SEMA3A: variants seen among roughly 807,000 people sequenced by gnomAD.
SEMA3A encodes semaphorin 3A, also known as semaphorin-3A.
SEMA3A carries 29 observed loss-of-function variants against 97.9 expected under a neutral mutation model. That is an observed-to-expected ratio of 0.30 (90% CI 0.22 to 0.40). The LOEUF is 0.40. Among genes scored for constraint, SEMA3A ranks in the 10% least tolerant of loss-of-function variants. SEMA3A has a pLI of 1.00. For missense variants in SEMA3A, 763 were observed against 951.3 expected (o/e 0.80, Z 2.60); for synonymous variants, 321 against 323.7 (o/e 0.99, Z 0.09).
intron 1 of SEMA3A, among the ~76,000 whole-genome samples, chr7:84,181,818 A>T (rs2116238370): frequency 6.6e-6 from 1 of 152,284 alleles, no homozygotes; most frequent in African/African-American, 2.4e-5. Context: ...TTGCTTCCAC[A>T]TGTCTGGCAT....
chr7:84,281,406 T>C (rs1378000476), intron 3 of SEMA3A, among the ~76,000 whole-genome samples: 2 of 152,102 alleles, frequency 1.3e-5, no homozygotes, highest in Non-Finnish European at 2.9e-5. Context: ...TTCAAGGACT[T>C]ACATGGAAAC....
intron 2 of SEMA3A, among the ~76,000 whole-genome samples, chr7:84,355,783 A>T (rs1160561195): frequency 2.0e-5 from 3 of 151,918 alleles, no homozygotes; most frequent in Non-Finnish European, 4.4e-5. Flanking sequence ...GAAATTAAAA[A>T]ATATATAAGC....
chr7:84,355,339 T>A (rs1339722911), intron 2 of SEMA3A, among the ~76,000 whole-genome samples: 2 of 151,894 alleles, frequency 1.3e-5, no homozygotes, highest in Admixed American at 1.3e-4. Flanking sequence ...CCTTGGACTA[T>A]CACTGTGATT....
intron 4 of SEMA3A, among the ~76,000 whole-genome samples, chr7:84,101,685 C>T (rs1369986077): frequency 2.0e-5 from 3 of 152,064 alleles, no homozygotes; most frequent in Non-Finnish European, 4.4e-5. Flanking sequence ...TATTGGATTT[C>T]AACTATCAGA....
intron 3 of SEMA3A, among the ~76,000 whole-genome samples, chr7:84,287,293 G>A (rs1394930544): frequency 1.3e-5 from 2 of 151,968 alleles, no homozygotes; most frequent in African/African-American, 4.8e-5. Context: ...CTCAATCAAG[G>A]TAATTAACAC....
chr7:84,073,793 C>A (rs927449344), intron 4 of SEMA3A, among the ~76,000 whole-genome samples: 1 of 149,292 alleles, frequency 6.7e-6, no homozygotes, highest in South Asian at 2.1e-4. Context: ...TTCTTTAACT[C>A]ATGTTTCTCA....
chr7:84,398,678 T>A (rs1449007592), intron 1 of SEMA3A, among the ~76,000 whole-genome samples: 1 of 152,020 alleles, frequency 6.6e-6, no homozygotes, highest in African/African-American at 2.4e-5. Context: ...CCTGGTGGCA[T>A]GTGCCTGTAG....
At chr7:84,034,672 C>A (rs1383163828) in intron 6 of SEMA3A, among the ~76,000 whole-genome samples, 1 of 152,120 alleles carries the variant, frequency 6.6e-6, no homozygotes, top group African/African-American at 2.4e-5. Context: ...ACCAATGTCA[C>A]GACACCTAGG....
chr7:84,450,233 C>T (rs988149222), intron 1 of SEMA3A, among the ~76,000 whole-genome samples: 7 of 152,102 alleles, frequency 4.6e-5, no homozygotes, highest in African/African-American at 1.7e-4. Context: ...CTCTCCAACA[C>T]TTCTCTCTTT....
chr7:84,421,620 A>G, intron 1 of SEMA3A, among the ~76,000 whole-genome samples: 1 of 152,004 alleles, frequency 6.6e-6, no homozygotes, highest in East Asian at 1.9e-4. Flanking sequence ...CGCTTCCAGC[A>G]TTTGCTCATT....
chr7:84,064,538 A>G (rs1176023580), intron 4 of SEMA3A, among the ~76,000 whole-genome samples: 1 of 152,062 alleles, frequency 6.6e-6, no homozygotes, highest in Non-Finnish European at 1.5e-5. Flanking sequence ...TCACGTGCAG[A>G]GACACACATA....
Position 84,046,425 on chromosome 7 carries a change from C to G in SEMA3A, c.566G>C (p.Gly189Ala), listed in dbSNP as rs778827801. Residue 189 changes from glycine (G) to alanine (A), a missense_variant, in exon 6 of 17, where the codon GGA becomes GCA. By Grantham distance (60) the Gly-to-Ala change is moderately conservative. Around this residue, in one of 2 missense-constraint regions of SEMA3A, gnomAD observed 678 missense variants for 881.3 expected, o/e 0.77. Coordinates refer to ENST00000265362, the MANE Select transcript of SEMA3A (RefSeq NM_006080.3). ...TCGCCCCATAAAATCAGCTGCAGTT[C>G]CAGAGTATAATTCTCCATCTGTGTT... ...SLLIDGELYS[G>A]TAADFMGRDF... 6.2e-7 allele frequency: 1 copy of G among 1,612,942 alleles called. No homozygotes were observed. The highest frequency in any genetic ancestry group is 8.5e-7 in the Non-Finnish European group (1 of 1,179,248).
chr7:84,226,242 GTGT>G (rs1221337554), intron 3 of SEMA3A, among the ~76,000 whole-genome samples: 2 of 151,986 alleles, frequency 1.3e-5, no homozygotes, highest in African/African-American at 2.4e-5. Flanking sequence ...ATTCAGAATG[GTGT>G]TGTTGGGAAC....
At chr7:84,007,828 G>A (rs1039863986) in intron 9 of SEMA3A, among the ~76,000 whole-genome samples, 9 of 152,090 alleles carry the variant, frequency 5.9e-5, no homozygotes, top group South Asian at 2.1e-4. Context: ...TTTTAATATC[G>A]TGGGGAAATT....
intron 3 of SEMA3A, among the ~76,000 whole-genome samples, chr7:84,303,715 A>G (rs1801083155): frequency 6.6e-6 from 1 of 152,156 alleles, no homozygotes; most frequent in Non-Finnish European, 1.5e-5. Context: ...TTTTCAGTAC[A>G]ATATTCAATA....
At chr7:84,352,585 C>T (rs1203977294) in intron 2 of SEMA3A, among the ~76,000 whole-genome samples, 1 of 151,474 alleles carries the variant, frequency 6.6e-6, no homozygotes, top group East Asian at 1.9e-4. Flanking sequence ...TAAAGTAGAA[C>T]TATTTCTAGA....
At chr7:84,476,079 A>G (rs967292390) in intron 1 of SEMA3A, among the ~76,000 whole-genome samples, 1 of 152,080 alleles carries the variant, frequency 6.6e-6, no homozygotes, top group African/African-American at 2.4e-5. Context: ...TTTTTTGGCC[A>G]GGTGCGGTGG....
At chr7:84,241,440 T>G (rs557995289) in intron 3 of SEMA3A, among the ~76,000 whole-genome samples, 3 of 152,324 alleles carry the variant, frequency 2.0e-5, no homozygotes, top group East Asian at 3.9e-4. Context: ...TGGCTCACTT[T>G]TTGATGGAGT....
intron 3 of SEMA3A, among the ~76,000 whole-genome samples, chr7:84,248,503 C>A (rs2115597629): frequency 6.6e-6 from 1 of 152,322 alleles, no homozygotes; most frequent in African/African-American, 2.4e-5. Context: ...TGAGCATTCA[C>A]ATGTCTTTTT....
Sources: allele counts gnomAD v4.1 joint callset (sites outside exome capture counted in the v4.1 genomes callset), GRCh38; gene constraint gnomAD v4.1.1; regional missense constraint gnomAD v4.1.1; transcripts MANE v1.5; gene names NCBI Gene and HGNC (gene_info 2026-07-23, HGNC 2026-07-21).